Variants in ZNF804B observed in about 807,000 individuals in gnomAD.
ZNF804B encodes the protein zinc finger 804B.
A neutral mutation model predicts 101.4 loss-of-function variants in ZNF804B; 80 were observed. That is an observed-to-expected ratio of 0.79 (90% confidence interval 0.66 to 0.95). The LOEUF is 0.95. Ranked by LOEUF, ZNF804B falls within the 40% of genes least tolerant of loss-of-function variation. The pLI, the probability that ZNF804B is intolerant of heterozygous loss-of-function variation, is 0.00. For synonymous variants in ZNF804B, 622 were observed against 558.8 expected, an observed-to-expected ratio of 1.11 and a Z score of -1.59; for missense variants, 1,673 against 1,561.9, an observed-to-expected ratio of 1.07 and a Z score of -1.20.
chr7:89,242,054 C>T (rs1789380327), intron 2 of ZNF804B, among the ~76,000 whole-genome samples: 1 of 151,916 alleles, frequency 6.6e-6, no homozygotes, highest in Non-Finnish European at 1.5e-5. Flanking sequence ...TACTTTTACT[C>T]TAAGTTGCCA....
At chr7:89,011,024 A>G (rs576002390) in intron 1 of ZNF804B, among the ~76,000 whole-genome samples, 2 of 152,284 alleles carry the variant, frequency 1.3e-5, no homozygotes, top group South Asian at 2.1e-4. Flanking sequence ...GGTAATTTGT[A>G]AAGAAAAGAG....
chr7:89,335,447 C>G lies in ZNF804B; in HGVS notation c.2465C>G (p.Ser822Cys). The change falls in exon 4 of 4, where the codon TCT (serine) becomes TGT (cysteine). Residue 822 changes from serine to cysteine, a missense_variant. Physicochemically the swap from Ser to Cys is moderately radical, Grantham distance 112. Coordinates refer to ENST00000333190, the MANE Select transcript of ZNF804B (RefSeq NM_181646.5). ...CAACAACAATTTTCAGGGCTAAAAT[C>G]TACGAGAATCATCTATTGTGATTCT... ...KNQQQFSGLK[S>C]TRIIYCDSNS... 1 of 1,613,908 alleles carries G rather than the reference C, an allele frequency of 6.2e-7. No homozygotes were observed. The highest frequency in any genetic ancestry group is 1.7e-4 in the Middle Eastern group (1 of 6,060).
At position 89,327,440 on chromosome 7, in the gene ZNF804B, C is replaced by T. The variant is rs2115983108; in HGVS notation, c.346C>T (p.His116Tyr). ...KKQEKALKRL[H>Y]QLAELRQQSE... ...ACAAGAAAAAGCACTTAAACGACTT[C>T]ATCAGCTGGCTGAGTTAAGGCAGCA... Residue 116 changes from histidine (H) to tyrosine (Y), a missense_variant, in exon 3 of 4, where the codon CAT becomes TAT. Physicochemically the swap from His to Tyr is moderately conservative, Grantham distance 83. Transcript: ENST00000333190. 1.2e-6 allele frequency: 2 copies of T among 1,611,398 alleles called. No homozygotes were observed. Among genetic ancestry groups the T allele is most frequent in the Non-Finnish European group, 1.7e-6 (2 of 1,178,522 alleles).
chr7:88,883,635 A>G (rs1233323182), intron 1 of ZNF804B, among the ~76,000 whole-genome samples: 2 of 152,108 alleles, frequency 1.3e-5, no homozygotes, highest in Non-Finnish European at 2.9e-5. Flanking sequence ...ACAGACACAA[A>G]TCAAATCATA....
intron 1 of ZNF804B, among the ~76,000 whole-genome samples, chr7:89,092,047 A>C (rs1281884852): frequency 6.6e-6 from 1 of 152,174 alleles, no homozygotes; most frequent in Non-Finnish European, 1.5e-5. Context: ...GTGCCATATA[A>C]ACAACAAACA....
intron 1 of ZNF804B, among the ~76,000 whole-genome samples, chr7:88,897,640 CAG>C (rs1792310660): frequency 1.3e-5 from 2 of 152,144 alleles, no homozygotes; most frequent in African/African-American, 4.8e-5. Context: ...GATAAAGAAT[CAG>C]AGTCTCAGCT....
chr7:88,845,281 ACG>A (rs746899354), intron 1 of ZNF804B, among the ~76,000 whole-genome samples: 110 of 128,900 alleles, frequency 8.5e-4, no homozygotes, highest in African/African-American at 3.4e-3. Flanking sequence ...ATGTGTGCGC[ACG>A]CGCGCGCGCA....
At chr7:89,067,769 T>G (rs949984195) in intron 1 of ZNF804B, among the ~76,000 whole-genome samples, 38 of 152,090 alleles carry the variant, frequency 2.5e-4, no homozygotes, top group African/African-American at 8.2e-4. Flanking sequence ...TTTCATCATA[T>G]TCTATCTGTG....
At chr7:88,910,348 A>T (rs1296066241) in intron 1 of ZNF804B, among the ~76,000 whole-genome samples, 2 of 151,896 alleles carry the variant, frequency 1.3e-5, no homozygotes, top group African/African-American at 4.8e-5. Flanking sequence ...TCCCAATTTA[A>T]ATTGCTTCAA....
intron 2 of ZNF804B, among the ~76,000 whole-genome samples, chr7:89,225,573 A>T (rs1789076920): frequency 6.6e-6 from 1 of 152,088 alleles, no homozygotes; most frequent in Admixed American, 6.5e-5. Context: ...TTTAGAGTAG[A>T]CCATTTCACT....
At chr7:88,844,068 T>G (rs1791332262) in intron 1 of ZNF804B, among the ~76,000 whole-genome samples, 3 of 152,174 alleles carry the variant, frequency 2.0e-5, no homozygotes, top group Admixed American at 2.0e-4. Flanking sequence ...AGTTAACAAA[T>G]GTTAATATTT....
intron 1 of ZNF804B, among the ~76,000 whole-genome samples, chr7:89,115,308 A>G (rs1790292660): frequency 6.6e-6 from 1 of 152,226 alleles, no homozygotes; most frequent in Admixed American, 6.5e-5. Context: ...TTTTAATGAG[A>G]GCTTTACTCT....
At chr7:88,992,630 G>A (rs1454654564) in intron 1 of ZNF804B, among the ~76,000 whole-genome samples, 1 of 152,048 alleles carries the variant, frequency 6.6e-6, no homozygotes, top group East Asian at 1.9e-4. Context: ...CACTCAGTGG[G>A]ATAATCTGCC....
At chr7:89,014,165 C>T (rs886205443) in intron 1 of ZNF804B, among the ~76,000 whole-genome samples, 4 of 152,104 alleles carry the variant, frequency 2.6e-5, no homozygotes, top group African/African-American at 7.2e-5. Flanking sequence ...TTTACATTCC[C>T]ACCCACAGTG....
intron 2 of ZNF804B, among the ~76,000 whole-genome samples, chr7:89,281,807 T>G (rs1790100565): frequency 6.6e-6 from 1 of 152,100 alleles, no homozygotes; most frequent in Admixed American, 6.6e-5. Context: ...GCTCTGGATC[T>G]AAAAGCAAGC....
At chr7:89,060,305 T>G (rs770441452) in intron 1 of ZNF804B, among the ~76,000 whole-genome samples, 6 of 152,194 alleles carry the variant, frequency 3.9e-5, no homozygotes, top group Non-Finnish European at 5.9e-5. Flanking sequence ...TCATTTCTTC[T>G]TACTGTATTC....
chr7:88,809,304 CATCT>C (rs58545685), intron 1 of ZNF804B, among the ~76,000 whole-genome samples: 28,137 of 147,870 alleles, frequency 0.19, 2,843 homozygotes, highest in Non-Finnish European at 0.23. Flanking sequence ...TATTGCTTGT[CATCT>C]ATCTATCTAT....
intron 1 of ZNF804B, among the ~76,000 whole-genome samples, chr7:89,135,446 G>A (rs898764481): frequency 6.6e-6 from 1 of 151,970 alleles, no homozygotes; most frequent in East Asian, 1.9e-4. Context: ...TCTTCTGTTT[G>A]TATCAAGATT....
At chr7:89,265,942 A>C (rs1467266242) in intron 2 of ZNF804B, among the ~76,000 whole-genome samples, 2 of 152,202 alleles carry the variant, frequency 1.3e-5, no homozygotes, top group Admixed American at 1.3e-4. Flanking sequence ...ACCTCTGGTC[A>C]CTCGACTTCA....
Sources: gnomAD v4.1 joint callset for allele counts (sites outside exome capture counted in the v4.1 genomes callset) on GRCh38, gnomAD v4.1.1 for gene constraint, MANE v1.5 for transcripts, NCBI Gene and HGNC (gene_info 2026-07-23, HGNC 2026-07-21) for gene names.